Variants in RGS6 observed in about 807,000 individuals in gnomAD.
RGS6 encodes regulator of G-protein signaling 6.
A neutral mutation model predicts 78.5 loss-of-function variants in RGS6; 30 were observed. That is an observed-to-expected ratio of 0.38 (90% CI 0.29 to 0.52). The LOEUF (loss-of-function observed/expected upper bound fraction) is 0.52, where lower values mean the gene tolerates loss of function less well. RGS6 is among the 20% of genes least tolerant of loss of function. RGS6 has a pLI of 0.85. For synonymous variants in RGS6, 206 were observed against 206.0 expected, an observed-to-expected ratio of 1.00 and a Z score of 0.00; for missense variants, 495 against 609.7, an observed-to-expected ratio of 0.81 and a Z score of 1.98.
chr14:72,179,772 G>A (rs536640233), intron 2 of RGS6, among the ~76,000 whole-genome samples: 2 of 151,956 alleles, frequency 1.3e-5, no homozygotes, highest in East Asian at 1.9e-4. Flanking sequence ...AAACCAGTGG[G>A]ATGGGCATCA....
intron 15 of RGS6, among the ~76,000 whole-genome samples, chr14:72,529,308 A>T (rs1015671963): frequency 1.3e-5 from 2 of 152,126 alleles, no homozygotes; most frequent in African/African-American, 2.4e-5. Flanking sequence ...ATCTGCTATT[A>T]CTGCTGTGGT....
chr14:72,050,087 T>C (rs1459583667), intron 2 of RGS6, among the ~76,000 whole-genome samples: 2 of 152,046 alleles, frequency 1.3e-5, no homozygotes, highest in East Asian at 3.9e-4. Context: ...AATTAGAAAT[T>C]CTTGGAAAAA....
intron 2 of RGS6, among the ~76,000 whole-genome samples, chr14:72,273,002 G>T (rs533891300): frequency 1.3e-5 from 2 of 152,146 alleles, no homozygotes; most frequent in Admixed American, 1.3e-4. Context: ...TGTAATCCCA[G>T]CTACTTGGGA....
chr14:72,001,369 A>C (rs530925205), intron 2 of RGS6, among the ~76,000 whole-genome samples: 41 of 152,190 alleles, frequency 2.7e-4, no homozygotes, highest in Middle Eastern at 3.4e-3. Flanking sequence ...TTCTGTGAAA[A>C]TTTAGTTCTC....
intron 2 of RGS6, among the ~76,000 whole-genome samples, chr14:72,052,963 TTCTTTCTTTCTTTCTTTCTTTCTC>T (rs1267157083): frequency 7.3e-4 from 32 of 43,690 alleles, no homozygotes; most frequent in African/African-American, 2.7e-3. Flanking sequence ...CTTTCTTTCT[TTCTTTCTTTCTTTCTTTCTTTCTC>T]TCTCTCTCTC....
chr14:72,039,529 T>A lies in RGS6; in HGVS notation c.84+74654T>A, dbSNP rs184838012. 6.5e-4 allele frequency among the ~76,000 whole-genome samples: 99 copies of A among 152,322 alleles called. 1 individual carries two copies. The highest frequency in any genetic ancestry group is 6.0e-3 in the Admixed American group (92 of 15,294). ...GCTACCTCTGTTCTCTTTTGGTTAC[T>A]ATGTGCATGGAATATCTTTTTCCAT... On this transcript the variant is annotated intron_variant, in intron 2 of 17. Coordinates refer to ENST00000553525, the MANE Select transcript of RGS6 (RefSeq NM_001204424.2).
chr14:72,101,676 T>A (rs2153526355), intron 2 of RGS6, among the ~76,000 whole-genome samples: 1 of 152,262 alleles, frequency 6.6e-6, no homozygotes, highest in South Asian at 2.1e-4. Flanking sequence ...CTTGGATACG[T>A]GTTGTGCATC....
chr14:72,044,911 A>G (rs920829431), intron 2 of RGS6, among the ~76,000 whole-genome samples: 1 of 151,978 alleles, frequency 6.6e-6, no homozygotes, highest in Non-Finnish European at 1.5e-5. Context: ...AAAACCCAAA[A>G]AACTCCAGGT....
intron 15 of RGS6, 70 bp from the exon 16 acceptor site, chr14:72,536,116 T>G: frequency 8.6e-7 from 1 of 1,168,630 alleles, no homozygotes; most frequent in Non-Finnish European, 1.3e-6. Context: ...CAGTGATCAA[T>G]TGGATTGTAA....
At chr14:71,944,143 T>C (rs2091103006) in intron 1 of RGS6, among the ~76,000 whole-genome samples, 1 of 152,228 alleles carries the variant, frequency 6.6e-6, no homozygotes, top group South Asian at 2.1e-4. Context: ...ATACACATAG[T>C]AAATGCTTGA....
At chr14:72,190,342 C>T (rs1475493169) in intron 2 of RGS6, among the ~76,000 whole-genome samples, 3 of 152,194 alleles carry the variant, frequency 2.0e-5, no homozygotes, top group Non-Finnish European at 4.4e-5. Context: ...GACTGTTTTT[C>T]CATCATTTGG....
chr14:72,548,610 T>C (rs575935970), intron 17 of RGS6, among the ~76,000 whole-genome samples: 1 of 152,184 alleles, frequency 6.6e-6, no homozygotes, highest in South Asian at 2.1e-4. Context: ...GCCCCCACAT[T>C]ATCAGGAACT....
chr14:72,091,413 C>T (rs144573153), intron 2 of RGS6, among the ~76,000 whole-genome samples: 321 of 152,182 alleles, frequency 2.1e-3, no homozygotes, highest in African/African-American at 7.4e-3. Context: ...GACAGGGGAC[C>T]AGGACCAGAT....
At chr14:72,208,939 GAAATAAGAATATCAA>G (rs2043352752) in intron 2 of RGS6, among the ~76,000 whole-genome samples, 2 of 151,414 alleles carry the variant, frequency 1.3e-5, no homozygotes, top group African/African-American at 4.9e-5. Flanking sequence ...GAATATCAAT[GAAATAAGAATATCAA>G]TGAAATAAGA....
the RGS6 span, among the ~76,000 whole-genome samples, chr14:72,595,302 A>G: frequency 1.3e-5 from 2 of 152,210 alleles, no homozygotes; most frequent in East Asian, 1.9e-4. Context: ...GTATTTTTCT[A>G]TCTATATTAA....
chr14:71,961,855 A>G (rs1232305590), intron 1 of RGS6, among the ~76,000 whole-genome samples: 6 of 152,226 alleles, frequency 3.9e-5, no homozygotes, highest in African/African-American at 1.4e-4. Context: ...GTTTTTCTCT[A>G]CCACTAAATT....
the RGS6 span, among the ~76,000 whole-genome samples, chr14:72,609,046 CT>C: frequency 1.3e-5 from 2 of 152,164 alleles, no homozygotes; most frequent in Non-Finnish European, 2.9e-5. Context: ...GTTTTAAAGC[CT>C]TTTATTTGTT....
At chr14:72,457,231 T>C (rs2095656553) in intron 4 of RGS6, among the ~76,000 whole-genome samples, 1 of 152,226 alleles carries the variant, frequency 6.6e-6, no homozygotes, top group Admixed American at 6.5e-5. Flanking sequence ...CATTGCATTG[T>C]ATTCAACTTC....
At chr14:72,177,219 G>A (rs987495814) in intron 2 of RGS6, among the ~76,000 whole-genome samples, 16 of 152,002 alleles carry the variant, frequency 1.1e-4, no homozygotes, top group Non-Finnish European at 1.9e-4. Flanking sequence ...GTGGACATAG[G>A]CACCCATGTC....
Sources: gnomAD v4.1 joint callset for allele counts (sites outside exome capture counted in the v4.1 genomes callset) on GRCh38, gnomAD v4.1.1 for gene constraint, MANE v1.5 for transcripts, NCBI Gene and HGNC (gene_info 2026-07-23, HGNC 2026-07-21) for gene names.